Variants in SYCE2 observed in about 807,000 individuals in gnomAD.
The protein encoded by SYCE2 is synaptonemal complex central element protein 2.
In SYCE2, 3 loss-of-function variants were observed where a neutral mutation model predicts 27.9. The observed-to-expected ratio is 0.11, with a 90% confidence interval of 0.05 to 0.28. The LOEUF (loss-of-function observed/expected upper bound fraction) is 0.28, where lower values mean the gene tolerates loss of function less well. Among genes scored for constraint, SYCE2 ranks in the 10% least tolerant of loss-of-function variants. The pLI is 1.00. For missense variants in SYCE2, 207 were observed against 263.5 expected (o/e 0.79, Z 1.48); for synonymous variants, 85 against 100.7 (o/e 0.84, Z 0.93).
chr19:12,905,363 ACT>A (rs1206853208), intron 2 of SYCE2, among the ~76,000 whole-genome samples: 1 of 151,610 alleles, frequency 6.6e-6, no homozygotes, highest in Admixed American at 6.6e-5. Context: ...ACGGAGTCTC[ACT>A]CTGTCGCCCA....
At position 12,904,473 on chromosome 19, in the gene SYCE2, G is replaced by A. The variant is rs79368249; in HGVS notation, c.306+19C>T. The A allele has an allele frequency of 1.6e-3, 2,576 of 1,613,578 alleles. 31 individuals are homozygous for A. In the African/African-American group the frequency reaches 0.03, roughly 19 times the overall value. The stretch of plus-strand genomic sequence containing the variant: ...TTTTGCATAAGGAATCCCCCCTCTC[G>A]CTGGGTGGAGTCTGTCACCTTGGTC... On this transcript the variant is annotated intron_variant, in intron 3 of 5. Transcript: ENST00000293695.
chr19:12,904,698 G>A (rs1428299891), intron 2 of SYCE2, 32 bp from the exon 3 acceptor site: 2 of 1,611,012 alleles, frequency 1.2e-6, no homozygotes, highest in Admixed American at 1.7e-5. Flanking sequence ...CAAGAAACCT[G>A]ACTTCTCAGA....
chr19:12,911,432 T>C (rs1971043207), intron 2 of SYCE2, among the ~76,000 whole-genome samples: 2 of 152,096 alleles, frequency 1.3e-5, no homozygotes, highest in African/African-American at 2.4e-5. Context: ...ATGGGTTTTT[T>C]TCTTTTTCTT....
At chr19:12,899,676 A>C (rs1271187192) in intron 5 of SYCE2, 9 of 1,612,116 alleles carry the variant, frequency 5.6e-6, no homozygotes, top group Non-Finnish European at 7.6e-6. Context: ...CTGATTTTTA[A>C]ATATCAAAAT....
chr19:12,914,889 A>G (rs140618956), intron 2 of SYCE2, among the ~76,000 whole-genome samples: 13,469 of 152,300 alleles, frequency 0.088, 781 homozygotes, highest in Non-Finnish European at 0.12. Flanking sequence ...GATTACAGGC[A>G]TGAGCCATCG....
At chr19:12,899,979 G>A in intron 5 of SYCE2, 25 bp downstream of exon 5, 1 of 1,612,904 alleles carries the variant, frequency 6.2e-7, no homozygotes, top group Non-Finnish European at 8.5e-7. Context: ...ACCCCAAGGT[G>A]TCAGGCCGGT....
At chr19:12,908,481 C>T (rs1417584289) in intron 2 of SYCE2, among the ~76,000 whole-genome samples, 3 of 151,884 alleles carry the variant, frequency 2.0e-5, no homozygotes, top group East Asian at 1.9e-4. Context: ...CCCGCCACCA[C>T]GCCCGGCTAA....
In SYCE2 at chr19:12,904,703, C is replaced by G. The variant is rs752344090; in HGVS notation, c.132-37G>C. Reference sequence around the variant, plus strand: ...GACACAAGGGCAAGAAACCTGACTTCTCAGAGTACAGGAAGCGGCCAGGTG... The same window carrying G: ...GACACAAGGGCAAGAAACCTGACTTGTCAGAGTACAGGAAGCGGCCAGGTG... On this transcript the variant is annotated intron_variant, in intron 2 of 5. Transcript: ENST00000293695. 4 of 1,610,704 alleles carry G rather than the reference C, an allele frequency of 2.5e-6. No individual in the cohort carries two copies. The Admixed American group carries it at 6.7e-5, about 27-fold the overall frequency.
At chr19:12,909,988 T>G (rs1411808886) in intron 2 of SYCE2, among the ~76,000 whole-genome samples, 1 of 152,146 alleles carries the variant, frequency 6.6e-6, no homozygotes, top group Non-Finnish European at 1.5e-5. Flanking sequence ...TGCCTCGGCC[T>G]CCCAAGTAGC....
At chr19:12,914,797 C>G (rs1327719510) in intron 2 of SYCE2, among the ~76,000 whole-genome samples, 1 of 152,040 alleles carries the variant, frequency 6.6e-6, no homozygotes, top group South Asian at 2.1e-4. Context: ...TTAGTAGAGA[C>G]GGGGTTTTGC....
chr19:12,911,466 G>A (rs1971043721), intron 2 of SYCE2, among the ~76,000 whole-genome samples: 2 of 151,776 alleles, frequency 1.3e-5, no homozygotes, highest in Admixed American at 6.6e-5. Context: ...TTGAGAAGGG[G>A]TCTCACTCTG....
intron 4 of SYCE2, 39 bp downstream of exon 4, chr19:12,900,421 C>T (rs1489944284): frequency 6.3e-7 from 1 of 1,598,954 alleles, no homozygotes; most frequent in African/African-American, 1.3e-5. Context: ...TCCCTGTCCT[C>T]TTCCTCAGGC....
chr19:12,910,689 T>A (rs142318070), intron 2 of SYCE2, among the ~76,000 whole-genome samples: 3,826 of 149,506 alleles, frequency 0.026, 65 homozygotes, highest in Admixed American at 0.053. Flanking sequence ...ATATATATAT[T>A]TTTTTTGAGA....
chr19:12,904,733 C>G, intron 2 of SYCE2, 67 bp from the exon 3 acceptor site: 1 of 1,568,210 alleles, frequency 6.4e-7, no homozygotes, highest in Non-Finnish European at 8.7e-7. Flanking sequence ...CAGGTGTAGT[C>G]GCTCATGCCT....
At chr19:12,917,659 C>CTTTTTTTTTTTTTTTTT (rs71168635) in intron 2 of SYCE2, among the ~76,000 whole-genome samples, 6 of 79,404 alleles carry the variant, frequency 7.6e-5, no homozygotes, top group East Asian at 4.8e-4. Flanking sequence ...CCATTCCTGG[C>CTTTTTTTTTTTTTTTTT]TTTTTTTTTT....
At chr19:12,900,178 G>A in intron 4 of SYCE2, 58 bp from the exon 5 acceptor site, 2 of 1,555,452 alleles carry the variant, frequency 1.3e-6, no homozygotes, top group Non-Finnish European at 1.7e-6. Context: ...GTGGGCAGAG[G>A]GGATGATTTC....
chr19:12,907,366 A>T (rs1970953609), intron 2 of SYCE2, among the ~76,000 whole-genome samples: 2 of 152,174 alleles, frequency 1.3e-5, no homozygotes, highest in Admixed American at 1.3e-4. Context: ...CCCCTCCTGG[A>T]TCTTACATTT....
chr19:12,902,804 C>T (rs1045084168), intron 3 of SYCE2, among the ~76,000 whole-genome samples: 1 of 151,702 alleles, frequency 6.6e-6, no homozygotes, highest in Non-Finnish European at 1.5e-5. Context: ...AACAGCAAGG[C>T]TTGTCTCAAA....
At chr19:12,904,060 T>C (rs1337765530) in intron 3 of SYCE2, among the ~76,000 whole-genome samples, 2 of 152,196 alleles carry the variant, frequency 1.3e-5, no homozygotes, top group Non-Finnish European at 2.9e-5. Flanking sequence ...GGTGTGACAA[T>C]GCAAGTTGTG....
Sources: allele counts gnomAD v4.1 joint callset (sites outside exome capture counted in the v4.1 genomes callset), GRCh38; gene constraint gnomAD v4.1.1; transcripts MANE v1.5; gene names NCBI Gene and HGNC (gene_info 2026-07-23, HGNC 2026-07-21).